The following TMCC3 variants were observed in gnomAD, a reference collection of about 807,000 sequenced individuals.
TMCC3 encodes the protein transmembrane and coiled-coil domain protein 3.
Under a neutral mutation model 40.2 loss-of-function variants are expected in TMCC3, and 28 were observed. The observed-to-expected ratio is 0.70, with a 90% CI of 0.52 to 0.95. The LOEUF (loss-of-function observed/expected upper bound fraction) is 0.95. Ranked by LOEUF, TMCC3 falls within the 40% of genes least tolerant of loss-of-function variation. TMCC3 has a pLI of 0.00. For synonymous variants in TMCC3, 255 were observed against 248.5 expected, an observed-to-expected ratio of 1.03 and a Z score of -0.25; for missense variants, 554 against 615.2, an observed-to-expected ratio of 0.90 and a Z score of 1.05.
At chr12:94,594,795 T>C (rs2068705666) in intron 1 of TMCC3, among the ~76,000 whole-genome samples, 1 of 152,172 alleles carries the variant, frequency 6.6e-6, no homozygotes, top group South Asian at 2.1e-4. Flanking sequence ...ATTCACCACC[T>C]CACTTACCCC....
intron 1 of TMCC3, among the ~76,000 whole-genome samples, chr12:94,635,740 G>A (rs772725369): frequency 3.4e-5 from 5 of 146,210 alleles, no homozygotes; most frequent in Non-Finnish European, 6.0e-5. Context: ...CACGATCTTG[G>A]CTCACTGCAA....
chr12:94,585,740 C>A (rs561909205), intron 1 of TMCC3, among the ~76,000 whole-genome samples: 26 of 152,234 alleles, frequency 1.7e-4, no homozygotes, highest in African/African-American at 6.3e-4. Context: ...TGCCATGAAG[C>A]TTTTCCCAGT....
rs11361924 is a variant in TMCC3, at chr12:94,606,370, C to CTTT, written c.79-23835_79-23833dup. ...AAAGGAGGTGAACTTTTTTCTTATT[C>CTTT]TTTTTTTTTTTTTTTTGAGACAATC... On this transcript the variant is annotated intron_variant, in intron 1 of 3. Transcript: ENST00000261226. 6.1e-4 allele frequency among the ~76,000 whole-genome samples: 87 copies of CTTT among 141,680 alleles called. 1 individual carries two copies. Among genetic ancestry groups the CTTT allele is most frequent in the African/African-American group, 1.8e-3 (68 of 38,268 alleles). The allele number at this position is 141,680 out of a possible 152,430, so 92.9% of individuals were successfully genotyped here. A position where few individuals can be genotyped will look rare whatever the true frequency, so the allele number is the denominator to read the frequency against.
intron 1 of TMCC3, among the ~76,000 whole-genome samples, chr12:94,619,146 C>T (rs1486250894): frequency 6.6e-6 from 1 of 152,158 alleles, no homozygotes; most frequent in Non-Finnish European, 1.5e-5. Flanking sequence ...TCTGACTCCA[C>T]CATGACTCAC....
At chr12:94,634,235 G>A (rs756306730) in intron 1 of TMCC3, among the ~76,000 whole-genome samples, 3 of 151,932 alleles carry the variant, frequency 2.0e-5, no homozygotes, top group Admixed American at 6.6e-5. Context: ...ATGAACCACC[G>A]TGCCTGGCCC....
rs557922717 is a variant in TMCC3 at position 94,646,979 on chromosome 12, C to G, written c.78+3374G>C. 3.3e-5 allele frequency among the ~76,000 whole-genome samples: 5 copies of G among 152,006 alleles called. No individual in the cohort carries two copies. In the South Asian group the frequency reaches 1.0e-3, roughly 31 times the overall value. On this transcript the variant is annotated intron_variant, in intron 1 of 3. Transcript: ENST00000261226. ...TGGCTGGAGAGGGCATTTTAGAACA[C>G]TTAAAATGAAAACCAACTAAAAGAA...
chr12:94,580,482 C>T (rs1430849114), intron 2 of TMCC3, among the ~76,000 whole-genome samples: 1 of 152,114 alleles, frequency 6.6e-6, no homozygotes, highest in Non-Finnish European at 1.5e-5. Flanking sequence ...TGTCTGTAAT[C>T]CCAGCACTTT....
At chr12:94,644,444 CCT>C (rs902338854) in intron 1 of TMCC3, 2 of 985,156 alleles carry the variant, frequency 2.0e-6, no homozygotes, top group African/African-American at 3.5e-5. Context: ...CAAAATACAC[CCT>C]GAGATCCAAC....
In TMCC3 at chr12:94,590,009, C is replaced by A. The variant is rs2170769; in HGVS notation, c.79-7471G>T. On this transcript the variant is annotated intron_variant, in intron 1 of 3. Coordinates refer to ENST00000261226, the MANE Select transcript of TMCC3 (RefSeq NM_020698.4). ...TTAGACTACTCTGTCAGAAAATTCT[C>A]CCTCAGGCTGAACTTGAAATAATCG... 7.9e-3 allele frequency among the ~76,000 whole-genome samples: 1,197 copies of A among 152,182 alleles called. 24 individuals are homozygous for A. Among genetic ancestry groups the A allele is most frequent in the East Asian group, 0.064 (333 of 5,184 alleles).
chr12:94,643,718 A>G (rs547045878), intron 1 of TMCC3, among the ~76,000 whole-genome samples: 1 of 152,346 alleles, frequency 6.6e-6, no homozygotes, highest in African/African-American at 2.4e-5. Context: ...AATTAGGGTA[A>G]GTGCCCAGCA....
chr12:94,585,307 T>C (rs2068631498), intron 1 of TMCC3, among the ~76,000 whole-genome samples: 2 of 152,178 alleles, frequency 1.3e-5, no homozygotes, highest in South Asian at 4.1e-4. Flanking sequence ...TCCCAGAATG[T>C]ATATGAATTT....
chr12:94,649,963 G>A lies in TMCC3; in HGVS notation c.78+390C>T, dbSNP rs141576172. ...CGGGACGTTCGGCGGGGAGGGCACC[G>A]TCACACCCAGGGCGAGACCCCGGAG... On this transcript the variant is annotated intron_variant, in intron 1 of 3. Transcript: ENST00000261226. Among the ~76,000 whole-genome samples the A allele has an allele frequency of 2.4e-3, 363 of 152,266 alleles. 4 individuals carry two copies. Among genetic ancestry groups the A allele is most frequent in the Admixed American group, 0.021 (328 of 15,308 alleles).
rs183104613 is a variant in TMCC3 at position 94,605,707 on chromosome 12, G to A, written c.79-23169C>T. On this transcript the variant is annotated intron_variant, in intron 1 of 3. Coordinates refer to ENST00000261226, the MANE Select transcript of TMCC3 (RefSeq NM_020698.4). Reference sequence around the variant, plus strand: ...TATCACAGCCTTGGTACTTTCCATCGGGGGCTAGATAAAGAAGAGCAAAGT... The same window carrying A: ...TATCACAGCCTTGGTACTTTCCATCAGGGGCTAGATAAAGAAGAGCAAAGT... Among the ~76,000 whole-genome samples, 184 of 152,164 alleles carry A rather than the reference G, an allele frequency of 1.2e-3. 1 individual carries two copies. Among genetic ancestry groups the A allele is most frequent in the African/African-American group, 4.1e-3 (172 of 41,490 alleles).
chr12:94,578,077 A>G (rs1041821075), intron 3 of TMCC3, among the ~76,000 whole-genome samples: 2 of 140,264 alleles, frequency 1.4e-5, no homozygotes, highest in African/African-American at 5.3e-5. Flanking sequence ...TGAACTCGGG[A>G]GGCAGAGGTC....
intron 3 of TMCC3, 64 bp from the exon 4 acceptor site, chr12:94,571,801 C>G: frequency 1.9e-6 from 3 of 1,552,726 alleles, no homozygotes; most frequent in South Asian, 2.4e-5. Context: ...CGTGAGTGCT[C>G]GCTCAGCTGT....
chr12:94,637,469 T>C (rs2068966490), intron 1 of TMCC3, among the ~76,000 whole-genome samples: 1 of 152,226 alleles, frequency 6.6e-6, no homozygotes, highest in African/African-American at 2.4e-5. Flanking sequence ...TCCGAAGCGA[T>C]GTGGGTAAAG....
At position 94,598,723 on chromosome 12, in the gene TMCC3, G is replaced by A. The variant is rs545408335; in HGVS notation, c.79-16185C>T. 108 of 985,386 alleles carry A rather than the reference G, an allele frequency of 1.1e-4. No homozygotes were observed. The South Asian group carries it at 1.8e-3, about 16-fold the overall frequency. The allele number at this position is 985,386 out of a possible 1,614,324, so 61.0% of individuals were successfully genotyped here. A position where few individuals can be genotyped will look rare whatever the true frequency, so the allele number is the denominator to read the frequency against. On this transcript the variant is annotated intron_variant, in intron 1 of 3. Coordinates refer to ENST00000261226, the MANE Select transcript of TMCC3 (RefSeq NM_020698.4). ...GCTTTCTTCTCCCACAGCCACAGACGTTTAAAGGCTCCAAAGATTCGTGTT... is the reference window on the plus strand; with the variant it reads ...GCTTTCTTCTCCCACAGCCACAGACATTTAAAGGCTCCAAAGATTCGTGTT...
At chr12:94,588,816 C>T (rs1262489957) in intron 1 of TMCC3, among the ~76,000 whole-genome samples, 3 of 136,122 alleles carry the variant, frequency 2.2e-5, no homozygotes, top group Non-Finnish European at 4.6e-5. Flanking sequence ...TTTCTTAAAT[C>T]GGTATGAGAT....
chr12:94,615,707 G>A (rs1279469413), intron 1 of TMCC3, among the ~76,000 whole-genome samples: 2 of 152,168 alleles, frequency 1.3e-5, no homozygotes, highest in African/African-American at 4.8e-5. Context: ...TAACAATAAG[G>A]AGACTGGTGG....
Sources: gnomAD v4.1 joint callset for allele counts (sites outside exome capture counted in the v4.1 genomes callset) on GRCh38, gnomAD v4.1.1 for gene constraint, MANE v1.5 for transcripts, NCBI Gene and HGNC (gene_info 2026-07-23, HGNC 2026-07-21) for gene names.